CCDC180: variants seen among roughly 807,000 people sequenced by gnomAD.
CCDC180 encodes coiled-coil domain-containing protein 180.
CCDC180 carries 154 observed loss-of-function variants against 209.2 expected under a neutral mutation model. That is an observed-to-expected ratio of 0.74 (90% confidence interval 0.65 to 0.84). The LOEUF is 0.84. Among genes scored for constraint, CCDC180 ranks in the 40% least tolerant of loss-of-function variants. The probability of loss-of-function intolerance (pLI) is 0.00; values close to 1 mark genes in which losing one functional copy is unlikely to be tolerated. For synonymous variants in CCDC180, 778 were observed against 749.1 expected, an observed-to-expected ratio of 1.04 and a Z score of -0.63; for missense variants, 1,874 against 1,997.3, an observed-to-expected ratio of 0.94 and a Z score of 1.18.
At chr9:97,365,027 T>A (rs1028583704) in intron 29 of CCDC180, 1 of 152,320 alleles carries the variant, frequency 6.6e-6, no homozygotes, top group African/African-American at 2.4e-5. Flanking sequence ...ATTCATGAAT[T>A]GGGCAGTGCC....
At chr9:97,357,876 T>G (rs1826628510) in intron 25 of CCDC180, 151 bp downstream of exon 25, 4 of 580,762 alleles carry the variant, frequency 6.9e-6, no homozygotes, top group Non-Finnish European at 1.2e-5. Context: ...ACTTAACCCC[T>G]GTTTCATGGA....
At chr9:97,375,256 A>G (rs1381682057) in intron 35 of CCDC180, among the ~76,000 whole-genome samples, 198 bp from the exon 36 acceptor site, 1 of 152,222 alleles carries the variant, frequency 6.6e-6, no homozygotes, top group Non-Finnish European at 1.5e-5. Context: ...GTGCACAGCA[A>G]TGAGACCAGT....
At chr9:97,358,021 G>A (rs1826633350) in intron 25 of CCDC180, 1 of 269,780 alleles carries the variant, frequency 3.7e-6, no homozygotes, top group East Asian at 7.3e-5. Flanking sequence ...GATGTCACCA[G>A]GTGTCCCTTG....
chr9:97,324,621 G>T (rs1433844782), intron 13 of CCDC180, among the ~76,000 whole-genome samples: 1 of 152,164 alleles, frequency 6.6e-6, no homozygotes, highest in Non-Finnish European at 1.5e-5. Flanking sequence ...TTCACAGCAG[G>T]TGTGGTGTTT....
chr9:97,315,049 C>A lies in CCDC180; in HGVS notation c.795+103C>A, dbSNP rs192556259. 3,637 of 822,634 alleles carry A rather than the reference C, an allele frequency of 4.4e-3. 6 individuals are homozygous for A. The highest frequency in any genetic ancestry group is 6.3e-3 in the Non-Finnish European group (3,114 of 493,964). 51.0% of individuals were successfully genotyped at this position (822,634 alleles called of 1,614,324 possible). On this transcript the variant is annotated intron_variant, in intron 8 of 36. Transcript: ENST00000529487. ...TGTCTGGTGTCTCAGGAATGGTGGG[C>A]TTCTCATCTATAACGTTTCTAAGGG...
At chr9:97,374,906 C>A (rs1413697043) in intron 35 of CCDC180, among the ~76,000 whole-genome samples, 1 of 152,200 alleles carries the variant, frequency 6.6e-6, no homozygotes, top group Non-Finnish European at 1.5e-5. Context: ...ATGATAAGGA[C>A]CCACCAAAGG....
At position 97,360,970 on chromosome 9, in the gene CCDC180, G is replaced by A. The variant is rs996654194; in HGVS notation, c.3484-756G>A. 6.6e-5 allele frequency among the ~76,000 whole-genome samples: 10 copies of A among 152,264 alleles called. No individual in the cohort carries two copies. In the Middle Eastern group the frequency reaches 0.01, roughly 155 times the overall value. Reference sequence around the variant, plus strand: ...GCCTTGACCAACCTTCCTTCCATGGGGAGGCCCTTCCCACCATGCAGCCAG... The same window carrying A: ...GCCTTGACCAACCTTCCTTCCATGGAGAGGCCCTTCCCACCATGCAGCCAG... On this transcript the variant is annotated intron_variant, in intron 26 of 36. Coordinates refer to ENST00000529487, the MANE Select transcript of CCDC180 (RefSeq NM_020893.6).
At chr9:97,358,955 A>C (rs1826670831) in intron 25 of CCDC180, among the ~76,000 whole-genome samples, 1 of 152,200 alleles carries the variant, frequency 6.6e-6, no homozygotes, top group South Asian at 2.1e-4. Context: ...CTCTTGAAAA[A>C]AGCGTAAACA....
At chr9:97,313,831 C>T (rs1048632423) in intron 5 of CCDC180, among the ~76,000 whole-genome samples, 11 of 152,206 alleles carry the variant, frequency 7.2e-5, no homozygotes, top group Admixed American at 3.9e-4. Context: ...GTTCCCTAAA[C>T]GAGACCAGCC....
rs1827289386 is a variant in CCDC180 at position 97,377,469 on chromosome 9, G to C, written c.*575G>C. 1 of 152,324 alleles carries C rather than the reference G, an allele frequency of 6.6e-6. No individual in the cohort carries two copies. Among genetic ancestry groups the C allele is most frequent in the Non-Finnish European group, 1.5e-5 (1 of 68,210 alleles). 9.4% of individuals were successfully genotyped at this position (152,324 alleles called of 1,614,324 possible). A position where few individuals can be genotyped will look rare whatever the true frequency, so the allele number is the denominator to read the frequency against. ...GAGTCCTCCAGCCTGCCAGTCTCTT[G>C]TTCGTCAACTCTCTTCTTCAATTAC... On this transcript the variant is annotated 3_prime_UTR_variant, in exon 37 of 37. Coordinates refer to ENST00000529487, the MANE Select transcript of CCDC180 (RefSeq NM_020893.6).
chr9:97,328,017 C>A lies in CCDC180; in HGVS notation c.1662-3C>A, dbSNP rs754199850. ...TCTCCTGTCTTACCTACCTACCTCC[C>A]AGGTATGAATGTTTTCACACCCTCC... On this transcript the variant is annotated splice_region_variant and splice_polypyrimidine_tract_variant and intron_variant, in intron 15 of 36. Coordinates refer to ENST00000529487, the MANE Select transcript of CCDC180 (RefSeq NM_020893.6). 1 of 1,612,830 alleles carries A rather than the reference C, an allele frequency of 6.2e-7. No homozygotes were observed. The highest frequency in any genetic ancestry group is 1.7e-5 in the Admixed American group (1 of 59,926).
At chr9:97,318,716 T>G in intron 10 of CCDC180, 134 bp downstream of exon 10, 2 of 1,224,054 alleles carry the variant, frequency 1.6e-6, no homozygotes, top group Admixed American at 4.7e-5. Flanking sequence ...GGCCCTGGGC[T>G]GGCCACCTGG....
intron 18 of CCDC180, among the ~76,000 whole-genome samples, chr9:97,331,311 G>T (rs1391056530): frequency 1.3e-5 from 2 of 152,124 alleles, no homozygotes; most frequent in African/African-American, 4.8e-5. Flanking sequence ...TATTTATCCA[G>T]TCCTACTGTC....
intron 18 of CCDC180, among the ~76,000 whole-genome samples, chr9:97,341,939 C>T (rs1826093986): frequency 6.6e-6 from 1 of 152,230 alleles, no homozygotes; most frequent in African/African-American, 2.4e-5. Flanking sequence ...CGATCTCAGA[C>T]TAGCAGTGAG....
At chr9:97,315,679 CAGT>C (rs1317528603) in intron 8 of CCDC180, among the ~76,000 whole-genome samples, 1 of 152,168 alleles carries the variant, frequency 6.6e-6, no homozygotes, top group East Asian at 1.9e-4. Context: ...CCTGGCAGCA[CAGT>C]AGGCTGAAAA....
Position 97,330,680 on chromosome 9 carries a change from G to GGTGGAA in CCDC180, c.2188_2189insTGGAAG (p.Lys729_Glu730insValGlu). The GGTGGAA allele has an allele frequency of 7.5e-7, 1 of 1,342,032 alleles. No individual in the cohort carries two copies. The highest frequency in any genetic ancestry group is 1.0e-6 in the Non-Finnish European group (1 of 989,490). 83.1% of individuals were successfully genotyped at this position (1,342,032 alleles called of 1,614,324 possible). A position where few individuals can be genotyped will look rare whatever the true frequency, so the allele number is the denominator to read the frequency against. ...AGGAGTCAGAGGAGGAAGATGAGAA[G>GGTGGAA]GAGGAAGAGGAGGAGGAGGAGAAGC... On this transcript the variant is annotated inframe_insertion, in exon 18 of 37. Coordinates refer to ENST00000529487, the MANE Select transcript of CCDC180 (RefSeq NM_020893.6).
At chr9:97,308,984 G>A (rs1385261667) in intron 2 of CCDC180, among the ~76,000 whole-genome samples, 1 of 152,060 alleles carries the variant, frequency 6.6e-6, no homozygotes, top group Non-Finnish European at 1.5e-5. Context: ...TCTAATGCAT[G>A]TAAGTGATAT....
chr9:97,330,049 C>T (rs1286611621), intron 16 of CCDC180, 105 bp from the exon 17 acceptor site: 6 of 964,848 alleles, frequency 6.2e-6, no homozygotes, highest in Non-Finnish European at 4.6e-6. Context: ...GCCTTGGCAA[C>T]AGAGCCAGAC....
chr9:97,353,043 C>T (rs1208243146), intron 22 of CCDC180, among the ~76,000 whole-genome samples: 1 of 152,002 alleles, frequency 6.6e-6, no homozygotes, highest in African/African-American at 2.4e-5. Context: ...CTCACCCAGG[C>T]TGGAATGCAG....
Sources: gnomAD v4.1 joint callset for allele counts (sites outside exome capture counted in the v4.1 genomes callset) on GRCh38, gnomAD v4.1.1 for gene constraint, MANE v1.5 for transcripts, NCBI Gene and HGNC (gene_info 2026-07-23, HGNC 2026-07-21) for gene names.